CDH12: variants seen among roughly 807,000 people sequenced by gnomAD.
CDH12 encodes the protein cadherin-12.
Under a neutral mutation model 74.1 loss-of-function variants are expected in CDH12, and 41 were observed. The ratio of observed to expected loss-of-function variants is 0.55; its 90% CI spans 0.43 to 0.72. CDH12 has a LOEUF of 0.72. Among genes scored for constraint, CDH12 ranks in the 30% least tolerant of loss-of-function variants. The probability of loss-of-function intolerance (pLI) is 0.00; values close to 1 mark genes in which losing one functional copy is unlikely to be tolerated. For synonymous variants in CDH12, 399 were observed against 355.0 expected (o/e 1.12, Z -1.39); for missense variants, 945 against 977.2 (o/e 0.97, Z 0.44).
chr5:22,059,507 A>T (rs1741037498), intron 5 of CDH12, among the ~76,000 whole-genome samples: 1 of 152,166 alleles, frequency 6.6e-6, no homozygotes, highest in Non-Finnish European at 1.5e-5. Context: ...CAACACAAGA[A>T]AATTCCATTG....
chr5:21,924,082 C>T (rs1164478955), intron 6 of CDH12, among the ~76,000 whole-genome samples: 1 of 150,236 alleles, frequency 6.7e-6, no homozygotes, highest in Non-Finnish European at 1.5e-5. Context: ...CAAACTGTAA[C>T]AACACCACTA....
intron 2 of CDH12, among the ~76,000 whole-genome samples, chr5:22,432,097 A>T (rs1744197397): frequency 6.6e-6 from 1 of 152,130 alleles, no homozygotes; most frequent in Admixed American, 6.5e-5. Context: ...TGCAAGTTGC[A>T]TTTACAATAA....
chr5:22,343,761 A>C (rs1739994563), intron 3 of CDH12, among the ~76,000 whole-genome samples: 2 of 152,212 alleles, frequency 1.3e-5, no homozygotes, highest in Admixed American at 6.5e-5. Context: ...TTCCATGGTA[A>C]TTAGAAATCC....
chr5:22,660,568 C>T (rs771664841), intron 1 of CDH12, among the ~76,000 whole-genome samples: 6 of 152,156 alleles, frequency 3.9e-5, no homozygotes, highest in South Asian at 2.1e-4. Context: ...TGCATCACCA[C>T]GCCCAGCTAA....
At chr5:22,456,107 T>TTATATATATATATATATA (rs36020133) in intron 2 of CDH12, among the ~76,000 whole-genome samples, 12 of 147,814 alleles carry the variant, frequency 8.1e-5, no homozygotes, top group African/African-American at 3.0e-4. Flanking sequence ...CATGTGGATA[T>TTATATATATATATATATA]TATATATATA....
At chr5:22,416,851 C>A (rs775801584) in intron 2 of CDH12, among the ~76,000 whole-genome samples, 1 of 152,046 alleles carries the variant, frequency 6.6e-6, no homozygotes, top group African/African-American at 2.4e-5. Flanking sequence ...CAGGACTGTA[C>A]GGTTTTAACT....
At chr5:22,753,048 C>G (rs1044504791) in intron 1 of CDH12, among the ~76,000 whole-genome samples, 2 of 151,998 alleles carry the variant, frequency 1.3e-5, no homozygotes, top group Non-Finnish European at 2.9e-5. Flanking sequence ...CAAGAAATAG[C>G]TCTTTGAAGA....
At chr5:21,809,911 T>C (rs2149934987) in intron 9 of CDH12, among the ~76,000 whole-genome samples, 1 of 151,934 alleles carries the variant, frequency 6.6e-6, no homozygotes, top group African/African-American at 2.4e-5. Context: ...AATAAAGGAG[T>C]GATCAACTTT....
chr5:22,171,970 T>G (rs748611523), intron 4 of CDH12, among the ~76,000 whole-genome samples: 6 of 151,998 alleles, frequency 3.9e-5, no homozygotes, highest in Admixed American at 2.0e-4. Context: ...GTAACCTGAG[T>G]TCCTTGTCTA....
At chr5:22,436,415 T>C (rs938508358) in intron 2 of CDH12, among the ~76,000 whole-genome samples, 6 of 151,084 alleles carry the variant, frequency 4.0e-5, no homozygotes, top group Non-Finnish European at 8.9e-5. Flanking sequence ...GTTGTGCACA[T>C]GTACCCTAGA....
At chr5:22,256,379 C>G (rs1040845471) in intron 3 of CDH12, among the ~76,000 whole-genome samples, 1 of 152,146 alleles carries the variant, frequency 6.6e-6, no homozygotes, top group Non-Finnish European at 1.5e-5. Context: ...TTACTCACGT[C>G]TGTGGTGACG....
intron 7 of CDH12, among the ~76,000 whole-genome samples, chr5:21,845,710 A>G (rs1170894026): frequency 4.6e-5 from 7 of 152,086 alleles, no homozygotes; most frequent in Non-Finnish European, 1.0e-4. Context: ...GCAGACAGAA[A>G]GCCACTTTAG....
chr5:22,484,408 A>C (rs1274763193), intron 2 of CDH12, among the ~76,000 whole-genome samples: 1 of 152,138 alleles, frequency 6.6e-6, no homozygotes, highest in Non-Finnish European at 1.5e-5. Flanking sequence ...ACATACTTGG[A>C]TCTGAACTCT....
chr5:22,416,200 G>T (rs967305500), intron 2 of CDH12, among the ~76,000 whole-genome samples: 1 of 149,288 alleles, frequency 6.7e-6, no homozygotes, highest in Admixed American at 6.7e-5. Flanking sequence ...TCAGCCTCCC[G>T]AGTAGCTGGG....
At chr5:22,717,237 G>T (rs141322352) in intron 1 of CDH12, among the ~76,000 whole-genome samples, 2 of 152,058 alleles carry the variant, frequency 1.3e-5, no homozygotes, top group African/African-American at 2.4e-5. Context: ...GCCCTATACA[G>T]GTGAACCTTT....
intron 2 of CDH12, among the ~76,000 whole-genome samples, chr5:22,430,024 G>T (rs1744102057): frequency 6.6e-6 from 1 of 152,088 alleles, no homozygotes; most frequent in Non-Finnish European, 1.5e-5. Context: ...GTTACAGATG[G>T]TAACTACCAT....
intron 5 of CDH12, among the ~76,000 whole-genome samples, chr5:22,058,170 C>T (rs1408537690): frequency 6.6e-6 from 1 of 152,160 alleles, no homozygotes; most frequent in African/African-American, 2.4e-5. Flanking sequence ...AATTCTCCTG[C>T]TTCAGCCTCC....
chr5:21,827,226 T>C (rs569066655), intron 8 of CDH12, among the ~76,000 whole-genome samples: 1 of 152,260 alleles, frequency 6.6e-6, no homozygotes, highest in South Asian at 2.1e-4. Context: ...AGATACAATA[T>C]TTGGTTGATC....
At chr5:22,527,754 C>T (rs1737353708) in intron 1 of CDH12, among the ~76,000 whole-genome samples, 1 of 152,178 alleles carries the variant, frequency 6.6e-6, no homozygotes, top group Non-Finnish European at 1.5e-5. Context: ...TGTCCCTGAA[C>T]ATTTGAATCT....
Sources: gnomAD v4.1 joint callset for allele counts (sites outside exome capture counted in the v4.1 genomes callset) on GRCh38, gnomAD v4.1.1 for gene constraint, MANE v1.5 for transcripts, NCBI Gene and HGNC (gene_info 2026-07-23, HGNC 2026-07-21) for gene names.